SNPH: variants seen among roughly 807,000 people sequenced by gnomAD.
SNPH encodes the protein syntaphilin.
In SNPH, 10 loss-of-function variants were observed where a neutral mutation model predicts 36.8. The observed-to-expected ratio is 0.27, with a 90% CI of 0.17 to 0.46. The LOEUF is 0.46. Ranked by LOEUF, SNPH falls within the 20% of genes least tolerant of loss-of-function variation. The pLI is 1.00. For missense variants in SNPH, 622 were observed against 744.0 expected, an observed-to-expected ratio of 0.84 and a Z score of 1.91; for synonymous variants, 281 against 312.2, an observed-to-expected ratio of 0.90 and a Z score of 1.05.
Position 1,266,746 on chromosome 20 carries a change from G to A in SNPH, c.-507G>A. 1 of 1,394,154 alleles carries A rather than the reference G, an allele frequency of 7.2e-7. No individual in the cohort carries two copies. Among genetic ancestry groups the A allele is most frequent in the Admixed American group, 3.8e-5 (1 of 26,512 alleles). The allele number at this position is 1,394,154 out of a possible 1,614,324, so 86.4% of individuals were successfully genotyped here. On this transcript the variant is annotated 5_prime_UTR_variant, in exon 2 of 7. Transcript: ENST00000381867. The surrounding 1 kb of genome is among the most constrained non-coding windows in gnomAD (Gnocchi z 6.0). ...GGTGCGAGCCGGCGGGGCTGCGGAG[G>A]GCCAGTGGACTCAGGTGAGGAGGCC...
chr20:1,303,013 G>T (rs557958941), intron 6 of SNPH, among the ~76,000 whole-genome samples: 1 of 152,348 alleles, frequency 6.6e-6, no homozygotes, highest in Non-Finnish European at 1.5e-5. Context: ...TGTGGTTTGG[G>T]CAGGATGCCC....
At chr20:1,277,854 CGTGT>C (rs1391650916) in intron 2 of SNPH, among the ~76,000 whole-genome samples, 1 of 92,996 alleles carries the variant, frequency 1.1e-5, no homozygotes, top group Admixed American at 1.2e-4. Context: ...TGTGTGTGTC[CGTGT>C]GTGTGCCTGT....
In SNPH at chr20:1,308,179, T is replaced by G. The variant is rs2088606124; in HGVS notation, c.*2125T>G. The G allele has an allele frequency of 3.3e-5, 5 of 153,000 alleles. No homozygotes were observed. In the Admixed American group the frequency reaches 3.3e-4, roughly 10 times the overall value. 9.5% of individuals were successfully genotyped at this position (153,000 alleles called of 1,614,324 possible). A position where few individuals can be genotyped will look rare whatever the true frequency, so the allele number is the denominator to read the frequency against. On this transcript the variant is annotated 3_prime_UTR_variant, in exon 7 of 7. Coordinates refer to ENST00000381867, the MANE Select transcript of SNPH (RefSeq NM_001318234.2). ...GGATGTGACAGGGCTGGGGCCACAG[T>G]CTACTCTGTCTCTGCTGCTAGAGAA...
At chr20:1,271,877 A>G (rs918962072) in intron 2 of SNPH, among the ~76,000 whole-genome samples, 1 of 152,204 alleles carries the variant, frequency 6.6e-6, no homozygotes, top group Non-Finnish European at 1.5e-5. Context: ...ATACTGGGAC[A>G]GGAAGTCTGT....
chr20:1,269,139 A>C (rs955861249), intron 2 of SNPH, among the ~76,000 whole-genome samples: 5 of 152,300 alleles, frequency 3.3e-5, no homozygotes, highest in Admixed American at 3.3e-4. Context: ...CAGGAGACCC[A>C]GGTCCCATGT....
rs1371651193 is a variant in SNPH, at chr20:1,285,009, T to G, written c.-492-9942T>G. Among the ~76,000 whole-genome samples the G allele has an allele frequency of 6.6e-6, 1 of 152,100 alleles. No homozygotes were observed. Among genetic ancestry groups the G allele is most frequent in the Admixed American group, 6.5e-5 (1 of 15,272 alleles). ...GTGGCTTGGACCAGGGATGGAGCAGTGAAGATGCCGAAAGGTGTCAGATTC... is the reference window on the plus strand; with the variant it reads ...GTGGCTTGGACCAGGGATGGAGCAGGGAAGATGCCGAAAGGTGTCAGATTC... On this transcript the variant is annotated intron_variant, in intron 2 of 6. Transcript: ENST00000381867. This position sits in a 1 kb window ranked among gnomAD's most constrained non-coding sequence, Gnocchi z 4.9.
intron 5 of SNPH, among the ~76,000 whole-genome samples, chr20:1,298,771 G>A (rs1213189540): frequency 6.6e-6 from 1 of 150,760 alleles, no homozygotes; most frequent in Non-Finnish European, 1.5e-5. Flanking sequence ...GAACAGCTGA[G>A]AAACATGCGT....
chr20:1,281,857 G>C (rs1447547694), intron 2 of SNPH, among the ~76,000 whole-genome samples: 1 of 152,276 alleles, frequency 6.6e-6, no homozygotes, highest in Non-Finnish European at 1.5e-5. Context: ...AGGAAATGCT[G>C]TAATTAGAAG....
intron 2 of SNPH, among the ~76,000 whole-genome samples, chr20:1,288,955 G>A (rs1029395135): frequency 5.9e-5 from 9 of 152,112 alleles, no homozygotes; most frequent in Non-Finnish European, 8.8e-5. Context: ...TCTGTAGTAT[G>A]CTTACCTCTT....
At chr20:1,300,819 C>T in intron 6 of SNPH, 108 bp downstream of exon 6, 1 of 1,110,468 alleles carries the variant, frequency 9.0e-7, no homozygotes, top group Non-Finnish European at 1.3e-6. Flanking sequence ...GGGGGTCTCC[C>T]AGCATCCGTC....
rs772244014 is a variant in SNPH at position 1,304,959 on chromosome 20, G to A, written c.522G>A (p.Glu174=). The A allele has an allele frequency of 6.2e-7, 1 of 1,613,930 alleles. No homozygotes were observed. Among genetic ancestry groups the A allele is most frequent in the Admixed American group, 1.7e-5 (1 of 60,030 alleles). ...TTGAGGAGGAGTGCCACCGCGTGGA[G>A]GCCCAGCTGGCCCTGAAGGAGGCCC... ...DWIEEECHRV[E]AQLALKEARK... The change falls in exon 7 of 7, where the codon GAG becomes GAA. Residue 174 remains glutamate (E), a synonymous_variant. Transcript: ENST00000381867. This position sits in a 1 kb window ranked among gnomAD's most constrained non-coding sequence, Gnocchi z 4.3.
Position 1,307,640 on chromosome 20 carries a change from T to C in SNPH, c.*1586T>C, listed in dbSNP as rs2088597678. 1 of 152,672 alleles carries C rather than the reference T, an allele frequency of 6.5e-6. No homozygotes were observed. The highest frequency in any genetic ancestry group is 1.5e-5 in the Non-Finnish European group (1 of 68,146). 9.5% of individuals were successfully genotyped at this position (152,672 alleles called of 1,614,324 possible). A position where few individuals can be genotyped will look rare whatever the true frequency, so the allele number is the denominator to read the frequency against. On this transcript the variant is annotated 3_prime_UTR_variant, in exon 7 of 7. Coordinates refer to ENST00000381867, the MANE Select transcript of SNPH (RefSeq NM_001318234.2). The stretch of plus-strand genomic sequence containing the variant: ...GCTCCAACAGCCATTGCCTAACTCA[T>C]GGGCTCTGCCCTTCTGCTCGGTGCC...
intron 5 of SNPH, among the ~76,000 whole-genome samples, chr20:1,299,709 C>T (rs574848569): frequency 5.7e-4 from 87 of 152,350 alleles, no homozygotes; most frequent in African/African-American, 2.0e-3. Context: ...TGTGTGCTCC[C>T]ATGTGCCCCC....
chr20:1,272,580 T>C (rs2088085160), intron 2 of SNPH, among the ~76,000 whole-genome samples: 1 of 152,242 alleles, frequency 6.6e-6, no homozygotes, highest in Non-Finnish European at 1.5e-5. Context: ...AGGCAATATT[T>C]TTAAATGCAC....
chr20:1,274,362 T>A (rs1207093164), intron 2 of SNPH, among the ~76,000 whole-genome samples: 1 of 150,252 alleles, frequency 6.7e-6, no homozygotes. Flanking sequence ...AGGGAGAAAA[T>A]TCTAAAAAAA....
rs929641942 is a variant in SNPH, at chr20:1,296,299, C to A, written c.60C>A (p.Gly20=). 8 of 1,572,744 alleles carry A rather than the reference C, an allele frequency of 5.1e-6. No homozygotes were observed. Among genetic ancestry groups the A allele is most frequent in the East Asian group, 2.4e-5 (1 of 40,934 alleles). The change falls in exon 4 of 7, where the codon GGC becomes GGA. Residue 20 remains glycine, a synonymous_variant. Coordinates refer to ENST00000381867, the MANE Select transcript of SNPH (RefSeq NM_001318234.2). The part of the protein sequence containing the change: ...MTWPGPALSA[G]PPTRPLSSAP... The stretch of plus-strand genomic sequence containing the variant: ...GGCCTGGCCCGGCCCTTTCTGCGGG[C>A]CCCCCAACCCGCCCTCTCTCCTCAG...
Position 1,304,784 on chromosome 20 carries a change from A to G in SNPH, c.441-94A>G. On this transcript the variant is annotated intron_variant, in intron 6 of 6. Coordinates refer to ENST00000381867, the MANE Select transcript of SNPH (RefSeq NM_001318234.2). The surrounding 1 kb of genome is among the most constrained non-coding windows in gnomAD (Gnocchi z 4.3). ...GAGCCACAGCAGCACAGGGCCCTTC[A>G]TCCTTGGCAACAGTGTCCTCTCCCT... The G allele has an allele frequency of 1.6e-6, 2 of 1,226,166 alleles. No individual in the cohort carries two copies. The highest frequency in any genetic ancestry group is 1.2e-6 in the Non-Finnish European group (1 of 858,162). 76.0% of individuals were successfully genotyped at this position (1,226,166 alleles called of 1,614,324 possible).
intron 2 of SNPH, among the ~76,000 whole-genome samples, chr20:1,287,425 C>T (rs568276854): frequency 6.6e-6 from 1 of 151,864 alleles, no homozygotes; most frequent in African/African-American, 2.4e-5. Flanking sequence ...AATTTTTGCC[C>T]TGGTGAGGGC....
intron 2 of SNPH, among the ~76,000 whole-genome samples, chr20:1,289,073 T>C (rs2088319460): frequency 6.6e-6 from 1 of 152,192 alleles, no homozygotes; most frequent in Non-Finnish European, 1.5e-5. Context: ...AAGTAGGTTT[T>C]TTCTTTTATG....
Sources: allele counts gnomAD v4.1 joint callset (sites outside exome capture counted in the v4.1 genomes callset), GRCh38; gene constraint gnomAD v4.1.1; non-coding constraint Gnocchi (gnomAD v3.1); transcripts MANE v1.5; gene names NCBI Gene and HGNC (gene_info 2026-07-23, HGNC 2026-07-21).